Variants in MECOM observed in about 807,000 individuals in gnomAD.
MECOM encodes histone-lysine N-methyltransferase MECOM.
Under a neutral mutation model 116.3 loss-of-function variants are expected in MECOM, and 13 were observed. That is an observed-to-expected ratio of 0.11 (90% confidence interval 0.07 to 0.18). The LOEUF (loss-of-function observed/expected upper bound fraction) is 0.18. Ranked by LOEUF, MECOM falls within the 10% of genes least tolerant of loss-of-function variation. The probability of loss-of-function intolerance (pLI) is 1.00; values close to 1 mark genes in which losing one functional copy is unlikely to be tolerated. For missense variants in MECOM, 1,299 were observed against 1,509.0 expected (o/e 0.86, Z 2.31); for synonymous variants, 528 against 535.2 (o/e 0.99, Z 0.19).
chr3:169,236,010 G>A (rs938617778), intron 2 of MECOM, among the ~76,000 whole-genome samples: 5 of 152,012 alleles, frequency 3.3e-5, no homozygotes, highest in Non-Finnish European at 5.9e-5. Context: ...TGCTGGGCTA[G>A]CTATATGTGG....
intron 16 of MECOM, among the ~76,000 whole-genome samples, chr3:169,087,883 G>A (rs1718347722): frequency 6.6e-6 from 1 of 152,176 alleles, no homozygotes; most frequent in South Asian, 2.1e-4. Flanking sequence ...CATGGAGGTA[G>A]GCTCTAGGAG....
Position 169,660,402 on chromosome 3 carries a change from T to C in MECOM, c.37+2934A>G, listed in dbSNP as rs977355185. Among the ~76,000 whole-genome samples, 11 of 152,260 alleles carry C rather than the reference T, an allele frequency of 7.2e-5. No homozygotes were observed. In the South Asian group the frequency reaches 2.3e-3, roughly 32 times the overall value. On this transcript the variant is annotated intron_variant, in intron 1 of 16. Coordinates refer to ENST00000651503, the MANE Select transcript of MECOM (RefSeq NM_004991.4). ...TGTATAAAATACAAGCCTTACAAGTTGCAAACTGTGTTGTGCATTCAATCT... is the reference window on the plus strand; with the variant it reads ...TGTATAAAATACAAGCCTTACAAGTCGCAAACTGTGTTGTGCATTCAATCT...
chr3:169,412,526 G>C (rs546211352), intron 1 of MECOM, among the ~76,000 whole-genome samples: 1 of 151,966 alleles, frequency 6.6e-6, no homozygotes, highest in South Asian at 2.1e-4. Context: ...TGAAAGCTAC[G>C]ATCTATTGAT....
At chr3:169,395,871 G>T (rs1261917279) in intron 1 of MECOM, among the ~76,000 whole-genome samples, 1 of 152,158 alleles carries the variant, frequency 6.6e-6, no homozygotes, top group Non-Finnish European at 1.5e-5. Flanking sequence ...CTTCACTGGT[G>T]CCTTTGCAGC....
chr3:169,421,695 A>C lies in MECOM; in HGVS notation c.38-40171T>G, dbSNP rs567614981. ...TAGCATGTTTGTTTTTTTAAAAAAA[A>C]AAAACAAAACGATTTCTTACTTCTT... On this transcript the variant is annotated intron_variant, in intron 1 of 16. Coordinates refer to ENST00000651503, the MANE Select transcript of MECOM (RefSeq NM_004991.4). Among the ~76,000 whole-genome samples, 24 of 152,096 alleles carry C rather than the reference A, an allele frequency of 1.6e-4. 1 individual carries two copies. In the East Asian group the frequency reaches 1.9e-3, roughly 12 times the overall value.
At chr3:169,304,899 C>T (rs187906613) in intron 2 of MECOM, among the ~76,000 whole-genome samples, 27 of 152,254 alleles carry the variant, frequency 1.8e-4, no homozygotes, top group Admixed American at 5.9e-4. Flanking sequence ...GTGCTGAGTC[C>T]CTCCTACGTG....
Position 169,110,773 on chromosome 3 carries a change from G to A in MECOM, c.2577+2014C>T, listed in dbSNP as rs140520072. 1.1e-3 allele frequency among the ~76,000 whole-genome samples: 169 copies of A among 152,086 alleles called. 1 individual carries two copies. The highest frequency in any genetic ancestry group is 1.4e-3 in the African/African-American group (58 of 41,472). ...CTAAGTATTTTGATCACCACTCTTG[G>A]GTCCTGTTCTAATAGCAACATGCAG... is the stretch of plus-strand genomic sequence containing the variant. On this transcript the variant is annotated intron_variant, in intron 9 of 16. Transcript: ENST00000651503.
chr3:169,378,587 TAAGTAAGTAAG>T (rs1560198853), intron 2 of MECOM, among the ~76,000 whole-genome samples: 36 of 24,670 alleles, frequency 1.5e-3, no homozygotes, highest in Non-Finnish European at 9.5e-4. Context: ...AGAAAGAAAG[TAAGTAAGTAAG>T]TTTGGGGACT....
chr3:169,612,199 G>A (rs774738091), intron 1 of MECOM, among the ~76,000 whole-genome samples: 11 of 152,152 alleles, frequency 7.2e-5, no homozygotes, highest in African/African-American at 1.9e-4. Context: ...TGGTATTTAT[G>A]TTAAAGGATA....
chr3:169,124,174 C>A (rs1240936605), intron 5 of MECOM, among the ~76,000 whole-genome samples: 1 of 152,062 alleles, frequency 6.6e-6, no homozygotes, highest in African/African-American at 2.4e-5. Flanking sequence ...ATGAAATCTT[C>A]TTGGTGAAAC....
At chr3:169,295,296 A>G (rs1212908945) in intron 2 of MECOM, among the ~76,000 whole-genome samples, 6 of 152,184 alleles carry the variant, frequency 3.9e-5, no homozygotes, top group Non-Finnish European at 7.3e-5. Flanking sequence ...GTTAAATTAC[A>G]ATAACACGTG....
intron 1 of MECOM, among the ~76,000 whole-genome samples, chr3:169,504,813 T>A (rs1754997302): frequency 6.6e-6 from 1 of 152,118 alleles, no homozygotes. Flanking sequence ...TTTAAAGAAA[T>A]CCCCCGCAAA....
At chr3:169,633,290 G>C (rs752884061) in intron 1 of MECOM, among the ~76,000 whole-genome samples, 14 of 152,298 alleles carry the variant, frequency 9.2e-5, no homozygotes, top group Non-Finnish European at 1.8e-4. Context: ...TGTCAATTTA[G>C]TTAACATCCT....
At chr3:169,555,064 T>C (rs1299397141) in intron 1 of MECOM, among the ~76,000 whole-genome samples, 1 of 152,240 alleles carries the variant, frequency 6.6e-6, no homozygotes, top group African/African-American at 2.4e-5. Flanking sequence ...ATGATGATTT[T>C]ATGTCATTTA....
chr3:169,192,763 C>T (rs1011612576), intron 2 of MECOM, among the ~76,000 whole-genome samples: 12 of 151,960 alleles, frequency 7.9e-5, no homozygotes, highest in African/African-American at 2.4e-4. Flanking sequence ...AATTGCAGTG[C>T]GACCTGTGAA....
chr3:169,172,189 A>C (rs1465978082), intron 2 of MECOM, among the ~76,000 whole-genome samples: 1 of 152,146 alleles, frequency 6.6e-6, no homozygotes, highest in Non-Finnish European at 1.5e-5. Context: ...ATTCATGTGT[A>C]AGAACTGGAT....
chr3:169,115,235 G>C (rs1728775722), intron 8 of MECOM, 148 bp downstream of exon 8: 5 of 868,096 alleles, frequency 5.8e-6, no homozygotes, highest in Middle Eastern at 3.6e-4. Flanking sequence ...CCAACTTTCA[G>C]AATAAAAAAT....
At chr3:169,635,476 C>T (rs182356703) in intron 1 of MECOM, among the ~76,000 whole-genome samples, 110 of 152,306 alleles carry the variant, frequency 7.2e-4, no homozygotes, top group African/African-American at 2.4e-3. Context: ...CTGCCATGCA[C>T]CATGCACTTA....
At position 169,235,343 on chromosome 3, in the gene MECOM, T is replaced by G. The variant is rs142186290; in HGVS notation, c.376-91511A>C. 1.1e-3 allele frequency among the ~76,000 whole-genome samples: 163 copies of G among 152,258 alleles called. 1 individual carries two copies. Among genetic ancestry groups the G allele is most frequent in the African/African-American group, 3.8e-3 (156 of 41,564 alleles). On this transcript the variant is annotated intron_variant, in intron 2 of 16. Coordinates refer to ENST00000651503, the MANE Select transcript of MECOM (RefSeq NM_004991.4). ...TTTGTCATGAAATGTTGCTGTTTATTTCTAGAATATGGAAAGAGACTTCCT... is the reference window on the plus strand; with the variant it reads ...TTTGTCATGAAATGTTGCTGTTTATGTCTAGAATATGGAAAGAGACTTCCT...
Sources: allele counts gnomAD v4.1 joint callset (sites outside exome capture counted in the v4.1 genomes callset), GRCh38; gene constraint gnomAD v4.1.1; transcripts MANE v1.5; gene names NCBI Gene and HGNC (gene_info 2026-07-23, HGNC 2026-07-21).